CDS1: variants seen among roughly 807,000 people sequenced by gnomAD.
CDS1 encodes CDP-diacylglycerol synthase 1, also known as phosphatidate cytidylyltransferase 1.
CDS1 carries 41 observed loss-of-function variants against 62.1 expected under a neutral mutation model. The ratio of observed to expected loss-of-function variants is 0.66; its 90% CI spans 0.51 to 0.86. CDS1 has a LOEUF of 0.86. Among genes scored for constraint, CDS1 ranks in the 40% least tolerant of loss-of-function variants. CDS1 has a pLI of 0.00. For synonymous variants in CDS1, 185 were observed against 192.6 expected, an observed-to-expected ratio of 0.96 and a Z score of 0.32; for missense variants, 470 against 550.1, an observed-to-expected ratio of 0.85 and a Z score of 1.46.
chr4:84,630,474 G>A (rs1723985938), intron 5 of CDS1, among the ~76,000 whole-genome samples: 1 of 152,152 alleles, frequency 6.6e-6, no homozygotes, highest in Admixed American at 6.5e-5. Flanking sequence ...ACCAAAAGTA[G>A]CGAAAGGCAG....
chr4:84,620,581 CAT>C (rs1367295836), intron 5 of CDS1, among the ~76,000 whole-genome samples: 4 of 151,922 alleles, frequency 2.6e-5, no homozygotes, highest in Admixed American at 6.6e-5. Context: ...TGCTATGCCA[CAT>C]GTTTTTGTAA....
At chr4:84,612,993 A>C (rs2148643987) in intron 3 of CDS1, among the ~76,000 whole-genome samples, 1 of 150,954 alleles carries the variant, frequency 6.6e-6, no homozygotes, top group East Asian at 1.9e-4. Flanking sequence ...TGTCTCAAAA[A>C]AAAAAAAAAA....
intron 7 of CDS1, among the ~76,000 whole-genome samples, chr4:84,634,272 A>G (rs1395451814): frequency 6.6e-6 from 1 of 152,174 alleles, no homozygotes; most frequent in Non-Finnish European, 1.5e-5. Context: ...GATATTATTT[A>G]CATAGAATGC....
Position 84,627,753 on chromosome 4 carries a change from T to A in CDS1, c.581-4066T>A, listed in dbSNP as rs564063751. On this transcript the variant is annotated intron_variant, in intron 5 of 12. Coordinates refer to ENST00000295887, the MANE Select transcript of CDS1 (RefSeq NM_001263.4). Reference sequence around the variant, plus strand: ...AAAACTAAGTTATAGCCAAAATTAATGCATAATTAAGATGTTTTCCCCAAA... The same window carrying A: ...AAAACTAAGTTATAGCCAAAATTAAAGCATAATTAAGATGTTTTCCCCAAA... 3.0e-4 allele frequency among the ~76,000 whole-genome samples: 45 copies of A among 152,306 alleles called. No individual in the cohort carries two copies. The South Asian group carries it at 6.6e-3, about 22-fold the overall frequency.
intron 3 of CDS1, among the ~76,000 whole-genome samples, chr4:84,613,827 C>G (rs190071335): frequency 1.2e-4 from 19 of 152,178 alleles, no homozygotes; most frequent in African/African-American, 4.3e-4. Flanking sequence ...TCCCCCCCTG[C>G]CTTCTTGGAA....
chr4:84,642,175 A>AG (rs1724405112), intron 10 of CDS1, among the ~76,000 whole-genome samples: 1 of 152,160 alleles, frequency 6.6e-6, no homozygotes, highest in African/African-American at 2.4e-5. Flanking sequence ...AACATAAAAA[A>AG]TTAGCCAGTC....
intron 1 of CDS1, among the ~76,000 whole-genome samples, chr4:84,590,053 T>C (rs530607455): frequency 5.9e-5 from 9 of 152,312 alleles, no homozygotes; most frequent in South Asian, 2.1e-4. Flanking sequence ...CCTTGTGATC[T>C]GCCCGCCTTG....
chr4:84,647,135 T>C (rs1260607896), intron 12 of CDS1, among the ~76,000 whole-genome samples: 1 of 152,174 alleles, frequency 6.6e-6, no homozygotes, highest in Non-Finnish European at 1.5e-5. Flanking sequence ...ATTTTTAACA[T>C]TCCCTTTTCC....
At chr4:84,645,893 G>C (rs1459934035) in intron 12 of CDS1, among the ~76,000 whole-genome samples, 2 of 152,214 alleles carry the variant, frequency 1.3e-5, no homozygotes, top group African/African-American at 2.4e-5. Flanking sequence ...GATCATGCCT[G>C]TGTGTGTAGG....
At chr4:84,618,805 C>T (rs546158937) in intron 4 of CDS1, among the ~76,000 whole-genome samples, 35 of 152,204 alleles carry the variant, frequency 2.3e-4, no homozygotes, top group African/African-American at 7.0e-4. Context: ...AGTGGGGAGA[C>T]AGGTTGAATT....
At chr4:84,606,834 A>C (rs190444660) in intron 2 of CDS1, among the ~76,000 whole-genome samples, 234 of 152,082 alleles carry the variant, frequency 1.5e-3, no homozygotes, top group African/African-American at 5.4e-3. Context: ...GCATGAGCCA[A>C]CATGCCTGGC....
In CDS1 at chr4:84,633,860, G is replaced by T. The variant is rs113432734; in HGVS notation, c.643G>T (p.Ala215Ser). The change falls in exon 7 of 13, where the codon GCA becomes TCA. Residue 215 changes from alanine to serine, a missense_variant. This residue lies in a region of CDS1 where 214 missense variants were observed against 242.4 expected (regional missense o/e 0.88). Transcript: ENST00000295887. ...TGTATTGTTGGGCTATTAACAGTTC[G>T]CATGGACTCATGTCACTTTACTGAT... ...KHYRLQFYMF[A>S]WTHVTLLITV... The T allele has an allele frequency of 2.5e-6, 4 of 1,595,454 alleles. No homozygotes were observed. Among genetic ancestry groups the T allele is most frequent in the South Asian group, 1.1e-5 (1 of 88,936 alleles).
intron 1 of CDS1, among the ~76,000 whole-genome samples, chr4:84,589,191 C>T (rs964859689): frequency 2.0e-5 from 3 of 152,230 alleles, no homozygotes; most frequent in East Asian, 3.9e-4. Context: ...CTTGCATAAC[C>T]GTGGTACATC....
At chr4:84,604,540 C>G (rs1043752109) in intron 2 of CDS1, among the ~76,000 whole-genome samples, 170 bp downstream of exon 2, 1 of 152,172 alleles carries the variant, frequency 6.6e-6, no homozygotes, top group Non-Finnish European at 1.5e-5. Flanking sequence ...TGTGTATCCA[C>G]CCTTAAAACC....
chr4:84,598,066 C>T (rs1722808231), intron 1 of CDS1, among the ~76,000 whole-genome samples: 1 of 149,292 alleles, frequency 6.7e-6, no homozygotes, highest in Non-Finnish European at 1.5e-5. Flanking sequence ...GCAGAGATTG[C>T]AGTGAGCCGA....
At chr4:84,601,349 G>T (rs1304753501) in intron 1 of CDS1, among the ~76,000 whole-genome samples, 1 of 152,084 alleles carries the variant, frequency 6.6e-6, no homozygotes, top group African/African-American at 2.4e-5. Flanking sequence ...TCCAAAGAAG[G>T]AATTACAGAA....
At position 84,600,997 on chromosome 4, in the gene CDS1, C is replaced by T. The variant is rs919972793; in HGVS notation, c.118-3246C>T. Among the ~76,000 whole-genome samples, 8 of 151,682 alleles carry T rather than the reference C, an allele frequency of 5.3e-5. No homozygotes were observed. In the East Asian group the frequency reaches 1.6e-3, roughly 29 times the overall value. On this transcript the variant is annotated intron_variant, in intron 1 of 12. Transcript: ENST00000295887. ...CAGCCTGGGAAACATGGTGATACAC[C>T]ATTTCTATGAAAAATGCCAAAAAAA...
intron 10 of CDS1, among the ~76,000 whole-genome samples, chr4:84,642,365 C>G (rs1724413267): frequency 2.0e-5 from 3 of 151,120 alleles, no homozygotes; most frequent in Admixed American, 2.0e-4. Flanking sequence ...AGACATCTTT[C>G]TTCAACCAAA....
rs12649660 is a variant in CDS1 at position 84,606,332 on chromosome 4, A to G, written c.245+1962A>G. Among the ~76,000 whole-genome samples, 43 of 136,180 alleles carry G rather than the reference A, an allele frequency of 3.2e-4. 1 individual carries two copies. Among genetic ancestry groups the G allele is most frequent in the African/African-American group, 1.1e-3 (42 of 37,118 alleles). The allele number at this position is 136,180 out of a possible 152,430, so 89.3% of individuals were successfully genotyped here. On this transcript the variant is annotated intron_variant, in intron 2 of 12. Coordinates refer to ENST00000295887, the MANE Select transcript of CDS1 (RefSeq NM_001263.4). ...TGTGTGTGTGTGTGTGTGTGTGTGT[A>G]TGTGTGTGTATGTATGGATGTGTGT...
Sources: allele counts gnomAD v4.1 joint callset (sites outside exome capture counted in the v4.1 genomes callset), GRCh38; gene constraint gnomAD v4.1.1; regional missense constraint gnomAD v4.1.1; transcripts MANE v1.5; gene names NCBI Gene and HGNC (gene_info 2026-07-23, HGNC 2026-07-21).